The following CDK4 variants were observed in gnomAD, a reference collection of about 807,000 sequenced individuals.
CDK4 encodes the protein cyclin dependent kinase 4.
Under a neutral mutation model 36.7 loss-of-function variants are expected in CDK4, and 13 were observed. That is an observed-to-expected ratio of 0.35 (90% CI 0.23 to 0.56). The LOEUF (loss-of-function observed/expected upper bound fraction) is 0.56, where lower values mean the gene tolerates loss of function less well. Among genes scored for constraint, CDK4 ranks in the 20% least tolerant of loss-of-function variants. The pLI, the probability that CDK4 is intolerant of heterozygous loss-of-function variation, is 0.85. For synonymous variants in CDK4, 158 were observed against 146.4 expected (o/e 1.08, Z -0.57); for missense variants, 285 against 387.3 (o/e 0.74, Z 2.22).
chr12:57,751,235 G>A lies in CDK4; in HGVS notation c.326C>T (p.Pro109Leu), dbSNP rs1595110701. Reference protein sequence around the residue: ...DLRTYLDKAPPPGLPAETIKD... With the variant: ...DLRTYLDKAPLPGLPAETIKD... ...GATCGTTTCGGCTGGCAAGCCTGGT[G>A]GGGGTGCCTTGTCCAGATATGTCCT... The change falls in exon 3 of 8, where the codon CCA (proline) becomes CTA (leucine). Residue 109 changes from proline (P) to leucine (L), a missense_variant. Coordinates refer to ENST00000257904, the MANE Select transcript of CDK4 (RefSeq NM_000075.4). This position sits in a 1 kb window ranked among gnomAD's most constrained non-coding sequence, Gnocchi z 4.5. 6.2e-7 allele frequency: 1 copy of A among 1,614,172 alleles called. No individual in the cohort carries two copies.
Position 57,750,759 on chromosome 12 carries a change from T to C in CDK4, c.529A>G (p.Thr177Ala), listed in dbSNP as rs1555201280. The change falls in exon 5 of 8, where the codon ACA becomes GCA. Residue 177 changes from threonine (T) to alanine (A), a missense_variant. Transcript: ENST00000257904. Reference sequence around the variant, plus strand: ...ACTTCGGGAGCTCGGTACCAGAGTGTAACAACCTAAAGGGAATAGGAAGAA... The same window carrying C: ...ACTTCGGGAGCTCGGTACCAGAGTGCAACAACCTAAAGGGAATAGGAAGAA... ...YQMALTPVVV[T>A]LWYRAPEVLL... 6.2e-7 allele frequency: 1 copy of C among 1,613,514 alleles called. No individual in the cohort carries two copies. Among genetic ancestry groups the C allele is most frequent in the Non-Finnish European group, 8.5e-7 (1 of 1,179,406 alleles).
chr12:57,749,051 A>T, intron 7 of CDK4, 131 bp downstream of exon 7: 1 of 1,164,048 alleles, frequency 8.6e-7, no homozygotes. Context: ...GGCTATTTGC[A>T]GCTGTAATAA....
rs1955184447 is a variant in CDK4 at position 57,748,394 on chromosome 12, A to AGC, written c.*129_*130dup. Reference sequence around the variant, plus strand: ...GGTGGGAGGGGAATGTCATTAAGGCAGCAAAGTAATCTCTGTAGAAAGATG... The same window carrying AGC: ...GGTGGGAGGGGAATGTCATTAAGGCAGCGCAAAGTAATCTCTGTAGAAAGATG... On this transcript the variant is annotated 3_prime_UTR_variant, in exon 8 of 8. Transcript: ENST00000257904. The AGC allele has an allele frequency of 1.3e-6, 1 of 769,268 alleles. No individual in the cohort carries two copies. Among genetic ancestry groups the AGC allele is most frequent in the African/African-American group, 1.7e-5 (1 of 58,752 alleles). The allele number at this position is 769,268 out of a possible 1,614,324, so 47.7% of individuals were successfully genotyped here.
rs1595111074 is a variant in CDK4, at chr12:57,751,584, C to T, written c.134G>A (p.Gly45Asp). 1.2e-6 allele frequency: 2 copies of T among 1,614,164 alleles called. No homozygotes were observed. The highest frequency in any genetic ancestry group is 2.2e-5 in the East Asian group (1 of 44,890). The change falls in exon 2 of 8, where the codon GGT becomes GAT. Residue 45 changes from glycine (G) to aspartate (D), a missense_variant. Coordinates refer to ENST00000257904, the MANE Select transcript of CDK4 (RefSeq NM_000075.4). This position sits in a 1 kb window ranked among gnomAD's most constrained non-coding sequence, Gnocchi z 4.5. ...TGTGCTGATGGGAAGGCCTCCTCCA[C>T]CTCCTCCTCCATTGGGGACTCTCAC... Reference protein sequence around the residue: ...KSVRVPNGGGGGGGLPISTVR... With the variant: ...KSVRVPNGGGDGGGLPISTVR...
chr12:57,748,708 C>A, intron 7 of CDK4, 91 bp from the exon 8 acceptor site: 5 of 693,624 alleles, frequency 7.2e-6, no homozygotes, highest in Non-Finnish European at 1.2e-5. Context: ...CTTCTTTTTT[C>A]TTTTTTTTTT....
rs1381741974 is a variant in CDK4, at chr12:57,751,377, T to G, written c.219-35A>C. On this transcript the variant is annotated intron_variant, in intron 2 of 7. Coordinates refer to ENST00000257904, the MANE Select transcript of CDK4 (RefSeq NM_000075.4). This position sits in a 1 kb window ranked among gnomAD's most constrained non-coding sequence, Gnocchi z 4.5. The stretch of plus-strand genomic sequence containing the variant: ...GTAAATGCTCACTTTTCAATCCCCT[T>G]TAACCCAACATGGCCTCTCATTATT... 1 of 1,613,844 alleles carries G rather than the reference T, an allele frequency of 6.2e-7. No individual in the cohort carries two copies. The highest frequency in any genetic ancestry group is 1.7e-5 in the Admixed American group (1 of 59,996).
At chr12:57,748,708 CT>C (rs545773931) in intron 7 of CDK4, 91 bp from the exon 8 acceptor site, 95,460 of 587,104 alleles carry the variant, frequency 0.16, no homozygotes, top group East Asian at 0.19. Flanking sequence ...CTTCTTTTTT[CT>C]TTTTTTTTTT....
At chr12:57,749,794 C>T in intron 5 of CDK4, 8 of 469,530 alleles carry the variant, frequency 1.7e-5, no homozygotes, top group East Asian at 8.0e-5. Flanking sequence ...GTCAAGAGAT[C>T]GAGACCATCC....
rs1955233266 is a variant in CDK4, at chr12:57,751,221, C to T, written c.340G>A (p.Ala114Thr). 6.2e-7 allele frequency: 1 copy of T among 1,614,190 alleles called. No individual in the cohort carries two copies. Among genetic ancestry groups the T allele is most frequent in the Non-Finnish European group, 8.5e-7 (1 of 1,180,022 alleles). The part of the protein sequence containing the change: ...LDKAPPPGLP[A>T]ETIKDLMRQF... ...ACCCCACTCACCTTGATCGTTTCGGCTGGCAAGCCTGGTGGGGGTGCCTTG... is the reference window on the plus strand; with the variant it reads ...ACCCCACTCACCTTGATCGTTTCGGTTGGCAAGCCTGGTGGGGGTGCCTTG... The change falls in exon 3 of 8, where the codon GCC (alanine) becomes ACC (threonine). Residue 114 changes from alanine to threonine, a missense_variant. Coordinates refer to ENST00000257904, the MANE Select transcript of CDK4 (RefSeq NM_000075.4). This position sits in a 1 kb window ranked among gnomAD's most constrained non-coding sequence, Gnocchi z 4.5.
At chr12:57,749,786 C>CAAG in intron 5 of CDK4, 1 of 490,410 alleles carries the variant, frequency 2.0e-6, no homozygotes, top group South Asian at 2.1e-5. Context: ...ATCATGAGGT[C>CAAG]AAGAGATCGA....
At chr12:57,748,713 T>TC (rs1484923066) in intron 7 of CDK4, 96 bp from the exon 8 acceptor site, 2 of 879,404 alleles carry the variant, frequency 2.3e-6, no homozygotes, top group Admixed American at 3.8e-5. Context: ...TTTTTCTTTT[T>TC]TTTTTTTTTT....
intron 5 of CDK4, 113 bp from the exon 6 acceptor site, chr12:57,749,617 A>G: frequency 1.9e-6 from 2 of 1,045,834 alleles, no homozygotes; most frequent in South Asian, 1.3e-5. Context: ...CAACAATTCC[A>G]GCACTTTGGG....
intron 4 of CDK4, 38 bp from the exon 5 acceptor site, chr12:57,750,803 G>A (rs1299244328): frequency 1.3e-6 from 2 of 1,595,226 alleles, no homozygotes; most frequent in South Asian, 1.1e-5. Context: ...GACCCCATGG[G>A]TTACCATGAA....
At chr12:57,749,938 A>C (rs1371886948) in intron 5 of CDK4, 7 of 262,580 alleles carry the variant, frequency 2.7e-5, no homozygotes, top group Non-Finnish European at 4.5e-5. Context: ...TGGAGGTTGC[A>C]GTGAGCAGAG....
Position 57,750,091 on chromosome 12 carries a change from C to CTTACAATTTACCTCAAT in CDK4, c.632+564_632+565insATTGAGGTAAATTGTAA, listed in dbSNP as rs1277241142. On this transcript the variant is annotated intron_variant, in intron 5 of 7. Transcript: ENST00000257904. Reference sequence around the variant, plus strand: ...ATTGCTTTAGCCCAGGAGGTAGAGGCTACAGTGAGCTGTAATTGGGCCACT... The same window carrying CTTACAATTTACCTCAAT: ...ATTGCTTTAGCCCAGGAGGTAGAGGCTTACAATTTACCTCAATTACAGTGAGCTGTAATTGGGCCACT... 5.9e-5 allele frequency: 9 copies of CTTACAATTTACCTCAAT among 153,586 alleles called. 1 individual carries two copies. The South Asian group carries it at 1.8e-3, about 31-fold the overall frequency. The allele number at this position is 153,586 out of a possible 1,614,324, so 9.5% of individuals were successfully genotyped here.
rs1354700817 is a variant in CDK4, at chr12:57,751,181, T to C, written c.354+26A>G. 1 of 1,614,024 alleles carries C rather than the reference T, an allele frequency of 6.2e-7. No homozygotes were observed. The highest frequency in any genetic ancestry group is 1.3e-5 in the African/African-American group (1 of 74,904). On this transcript the variant is annotated intron_variant, in intron 3 of 7. Transcript: ENST00000257904. This position sits in a 1 kb window ranked among gnomAD's most constrained non-coding sequence, Gnocchi z 4.5. ...TCTACTACAAAGGTCCCAATCCACCTCTCAATGCCTACCAACCCCACTCAC... is the reference window on the plus strand; with the variant it reads ...TCTACTACAAAGGTCCCAATCCACCCCTCAATGCCTACCAACCCCACTCAC...
Position 57,750,909 on chromosome 12 carries a change from A to G in CDK4, c.522+14T>C, listed in dbSNP as rs2140386246. ...CCCAACCAGAACCCATTTTGGTACC[A>G]TCTTTCTACTGACCACGGGTGTAAG... On this transcript the variant is annotated intron_variant, in intron 4 of 7. Coordinates refer to ENST00000257904, the MANE Select transcript of CDK4 (RefSeq NM_000075.4). The G allele has an allele frequency of 6.2e-7, 1 of 1,614,170 alleles. No individual in the cohort carries two copies. Among genetic ancestry groups the G allele is most frequent in the Non-Finnish European group, 8.5e-7 (1 of 1,180,008 alleles).
At position 57,749,518 on chromosome 12, in the gene CDK4, G is replaced by A. The variant is rs1179117012; in HGVS notation, c.633-14C>T. Reference sequence around the variant, plus strand: ...CAGAAGAGAGGCCTAAGGTGAGAAGGGATATAAGGTAGCAGTCATTTTCAA... The same window carrying A: ...CAGAAGAGAGGCCTAAGGTGAGAAGAGATATAAGGTAGCAGTCATTTTCAA... On this transcript the variant is annotated splice_polypyrimidine_tract_variant and intron_variant, in intron 5 of 7. Transcript: ENST00000257904. 1 of 1,613,528 alleles carries A rather than the reference G, an allele frequency of 6.2e-7. No homozygotes were observed. Among genetic ancestry groups the A allele is most frequent in the South Asian group, 1.1e-5 (1 of 91,070 alleles).
In CDK4 at chr12:57,747,754, T is replaced by A. The variant is rs1955175440; in HGVS notation, c.*771A>T. ...CATTTAAAAATCTATATTCTTTTTTTTTTTTTGACACAGAGTCTTGCTCTG... is the reference window on the plus strand; with the variant it reads ...CATTTAAAAATCTATATTCTTTTTTATTTTTTGACACAGAGTCTTGCTCTG... On this transcript the variant is annotated 3_prime_UTR_variant, in exon 8 of 8. Coordinates refer to ENST00000257904, the MANE Select transcript of CDK4 (RefSeq NM_000075.4). 6.2e-6 allele frequency: 1 copy of A among 160,292 alleles called. No homozygotes were observed. Among genetic ancestry groups the A allele is most frequent in the Non-Finnish European group, 1.4e-5 (1 of 72,930 alleles). The allele number at this position is 160,292 out of a possible 1,614,324, so 9.9% of individuals were successfully genotyped here.
Sources: gnomAD v4.1 joint callset for allele counts on GRCh38, gnomAD v4.1.1 for gene constraint, Gnocchi (gnomAD v3.1) non-coding constraint, MANE v1.5 for transcripts, NCBI Gene and HGNC (gene_info 2026-07-23, HGNC 2026-07-21) for gene names.